The following ACSS3 variants were observed in gnomAD, a reference collection of about 807,000 sequenced individuals.
The protein encoded by ACSS3 is acyl-CoA synthetase short chain family member 3, also known as acyl-CoA synthetase short-chain family member 3, mitochondrial.
Under a neutral mutation model 84.2 loss-of-function variants are expected in ACSS3, and 64 were observed. The ratio of observed to expected loss-of-function variants is 0.76; its 90% confidence interval spans 0.62 to 0.94. The LOEUF (loss-of-function observed/expected upper bound fraction) is 0.94. Ranked by LOEUF, ACSS3 falls within the 40% of genes least tolerant of loss-of-function variation. ACSS3 has a pLI of 0.00. For synonymous variants in ACSS3, 317 were observed against 310.1 expected, an observed-to-expected ratio of 1.02 and a Z score of -0.23; for missense variants, 815 against 867.6, an observed-to-expected ratio of 0.94 and a Z score of 0.76.
intron 8 of ACSS3, among the ~76,000 whole-genome samples, chr12:81,186,746 T>TA (rs1293602261): frequency 6.6e-6 from 1 of 151,876 alleles, no homozygotes; most frequent in African/African-American, 2.4e-5. Flanking sequence ...GAAACTCTTG[T>TA]ACTCTGTTCT....
Position 81,109,693 on chromosome 12 carries a change from G to A in ACSS3, c.445G>A (p.Val149Ile), listed in dbSNP as rs1883405144. The A allele has an allele frequency of 6.3e-7, 1 of 1,595,560 alleles. No individual in the cohort carries two copies. The highest frequency in any genetic ancestry group is 1.8e-5 in the Admixed American group (1 of 56,286). ...TAAAGCAACCTTTACCTATAAAGAAGTTCTGGAGCAGGTAATATCATAAAC... is the reference window on the plus strand; with the variant it reads ...TAAAGCAACCTTTACCTATAAAGAAATTCTGGAGCAGGTAATATCATAAAC... ...NTKATFTYKE[V>I]LEQVSKLAGV... The change falls in exon 2 of 16, where the codon GTT becomes ATT. Residue 149 changes from valine (V) to isoleucine (I), a missense_variant. Coordinates refer to ENST00000548058, the MANE Select transcript of ACSS3 (RefSeq NM_024560.4).
intron 8 of ACSS3, among the ~76,000 whole-genome samples, chr12:81,176,115 A>T (rs555231046): frequency 6.6e-6 from 1 of 152,360 alleles, no homozygotes; most frequent in South Asian, 2.1e-4. Flanking sequence ...TAGACTATTT[A>T]AAAAAGAGAG....
intron 11 of ACSS3, among the ~76,000 whole-genome samples, chr12:81,220,329 A>G (rs1051555423): frequency 1.3e-5 from 2 of 152,080 alleles, no homozygotes; most frequent in African/African-American, 2.4e-5. Flanking sequence ...TTTACAGGTT[A>G]TGTATAGATG....
At chr12:81,233,300 A>G (rs1379465014) in intron 12 of ACSS3, 49 bp from the exon 13 acceptor site, 7 of 1,576,704 alleles carry the variant, frequency 4.4e-6, no homozygotes, top group Non-Finnish European at 5.2e-6. Flanking sequence ...AAATGATTAC[A>G]TTAGTTAACA....
chr12:81,217,613 C>T (rs1484310241), intron 10 of ACSS3, among the ~76,000 whole-genome samples: 1 of 152,146 alleles, frequency 6.6e-6, no homozygotes, highest in Non-Finnish European at 1.5e-5. Flanking sequence ...GAGGCCAAGG[C>T]AGACGGATCA....
intron 8 of ACSS3, among the ~76,000 whole-genome samples, chr12:81,194,453 G>T (rs1016047283): frequency 1.3e-5 from 2 of 151,860 alleles, no homozygotes; most frequent in Non-Finnish European, 3.0e-5. Flanking sequence ...TTTAGGGAAA[G>T]AAGTCATCCG....
chr12:81,169,549 A>G (rs777432806), intron 7 of ACSS3, among the ~76,000 whole-genome samples: 34 of 152,262 alleles, frequency 2.2e-4, no homozygotes, highest in Admixed American at 5.9e-4. Context: ...TTTACAATTT[A>G]TCTCCCTTGA....
intron 13 of ACSS3, among the ~76,000 whole-genome samples, chr12:81,251,618 G>A (rs1242090499): frequency 7.0e-6 from 1 of 142,324 alleles, no homozygotes; most frequent in African/African-American, 2.6e-5. Flanking sequence ...GATTGCTTGA[G>A]CCCAGGAGTT....
At chr12:81,203,765 A>T (rs1190578296) in intron 9 of ACSS3, among the ~76,000 whole-genome samples, 2 of 152,158 alleles carry the variant, frequency 1.3e-5, no homozygotes, top group South Asian at 4.1e-4. Context: ...AGTTGTCTCT[A>T]TTTGTTTCTA....
At chr12:81,189,011 A>C (rs1393500685) in intron 8 of ACSS3, among the ~76,000 whole-genome samples, 3 of 152,038 alleles carry the variant, frequency 2.0e-5, no homozygotes, top group African/African-American at 7.2e-5. Context: ...ATCATCTTGG[A>C]GTTATTCCCC....
rs2089164122 is a variant in ACSS3, at chr12:81,259,307, A to G, written c.*4385A>G. 2.4e-6 allele frequency: 1 copy of G among 415,388 alleles called. No individual in the cohort carries two copies. Among genetic ancestry groups the G allele is most frequent in the Non-Finnish European group, 4.5e-6 (1 of 223,074 alleles). The allele number at this position is 415,388 out of a possible 1,614,324, so 25.7% of individuals were successfully genotyped here. A position where few individuals can be genotyped will look rare whatever the true frequency, so the allele number is the denominator to read the frequency against. On this transcript the variant is annotated 3_prime_UTR_variant, in exon 16 of 16. Transcript: ENST00000548058. ...TTTTATTTTTTAAAAAATCATATTTATATCCATTTACATAAGACTTACACA... is the reference window on the plus strand; with the variant it reads ...TTTTATTTTTTAAAAAATCATATTTGTATCCATTTACATAAGACTTACACA...
chr12:81,166,850 C>A (rs1308796346), intron 7 of ACSS3, among the ~76,000 whole-genome samples: 1 of 152,236 alleles, frequency 6.6e-6, no homozygotes, highest in Non-Finnish European at 1.5e-5. Context: ...AGCCACACTT[C>A]ACTTCCTGGG....
Position 81,167,928 on chromosome 12 carries a change from C to G in ACSS3, c.1099-6860C>G, listed in dbSNP as rs534438235. On this transcript the variant is annotated intron_variant, in intron 7 of 15. Coordinates refer to ENST00000548058, the MANE Select transcript of ACSS3 (RefSeq NM_024560.4). Reference sequence around the variant, plus strand: ...ATGACTCAAGCCTGAGGAATTGCAACTATGTGGGACCTACCACAAGGAGAT... The same window carrying G: ...ATGACTCAAGCCTGAGGAATTGCAAGTATGTGGGACCTACCACAAGGAGAT... Among the ~76,000 whole-genome samples the G allele has an allele frequency of 4.1e-4, 62 of 152,290 alleles. 2 individuals are homozygous for G. In the South Asian group the frequency reaches 0.012, roughly 31 times the overall value.
chr12:81,234,303 A>T (rs1187688210), intron 13 of ACSS3, among the ~76,000 whole-genome samples: 1 of 151,392 alleles, frequency 6.6e-6, no homozygotes, highest in Non-Finnish European at 1.5e-5. Context: ...TCATGCATTA[A>T]AGGACATATG....
chr12:81,207,652 C>A (rs2032403596), intron 9 of ACSS3, among the ~76,000 whole-genome samples: 1 of 152,086 alleles, frequency 6.6e-6, no homozygotes, highest in South Asian at 2.1e-4. Context: ...AATTCAGATT[C>A]AAAAAAACTT....
intron 1 of ACSS3, among the ~76,000 whole-genome samples, chr12:81,097,881 C>CT (rs574965982): frequency 1.2e-3 from 186 of 152,084 alleles, no homozygotes; most frequent in African/African-American, 4.3e-3. Context: ...CCTCAGTTTC[C>CT]TCATATGTAA....
chr12:81,254,404 T>C (rs2034244934), intron 15 of ACSS3, among the ~76,000 whole-genome samples: 1 of 152,204 alleles, frequency 6.6e-6, no homozygotes, highest in Admixed American at 6.5e-5. Flanking sequence ...CTCTAACTGA[T>C]AAATGCTAAT....
At chr12:81,192,663 A>AT (rs2031632442) in intron 8 of ACSS3, among the ~76,000 whole-genome samples, 1 of 152,082 alleles carries the variant, frequency 6.6e-6, no homozygotes, top group Non-Finnish European at 1.5e-5. Flanking sequence ...TCCATTGTGA[A>AT]TTTTAATCTT....
intron 12 of ACSS3, among the ~76,000 whole-genome samples, chr12:81,232,867 T>C (rs911981972): frequency 3.9e-5 from 6 of 151,922 alleles, no homozygotes; most frequent in Non-Finnish European, 8.8e-5. Flanking sequence ...TGACTAAAAA[T>C]TAAATTTCAT....
Sources: gnomAD v4.1 joint callset for allele counts (sites outside exome capture counted in the v4.1 genomes callset) on GRCh38, gnomAD v4.1.1 for gene constraint, MANE v1.5 for transcripts, NCBI Gene and HGNC (gene_info 2026-07-23, HGNC 2026-07-21) for gene names.